The following TNS3 variants were observed in gnomAD, a reference collection of about 807,000 sequenced individuals.
TNS3 encodes the protein tensin-3.
A neutral mutation model predicts 140.9 loss-of-function variants in TNS3; 45 were observed. That is an observed-to-expected ratio of 0.32 (90% CI 0.25 to 0.41). The LOEUF (loss-of-function observed/expected upper bound fraction) is 0.41. TNS3 is among the 10% of genes least tolerant of loss of function. TNS3 has a pLI of 1.00. For missense variants in TNS3, 1,716 were observed against 1,906.7 expected (o/e 0.90, Z 1.86); for synonymous variants, 815 against 788.4 (o/e 1.03, Z -0.56).
intron 27 of TNS3, among the ~76,000 whole-genome samples, chr7:47,287,745 G>C (rs117369729): frequency 5.0e-4 from 76 of 152,298 alleles, no homozygotes; most frequent in Middle Eastern, 6.8e-3. Context: ...GACATTCGCA[G>C]CTCTCAATGT....
chr7:47,564,676 C>CCTCA (rs1332351157), intron 1 of TNS3, among the ~76,000 whole-genome samples: 2 of 143,124 alleles, frequency 1.4e-5, no homozygotes, highest in African/African-American at 2.6e-5. Context: ...AAGACTGCAA[C>CCTCA]CTCAAGAACG....
At chr7:47,568,816 C>G (rs1800487009) in intron 1 of TNS3, among the ~76,000 whole-genome samples, 3 of 152,254 alleles carry the variant, frequency 2.0e-5, no homozygotes, top group Admixed American at 2.0e-4. Context: ...GGGCCAAGGC[C>G]AAATGCCAAC....
chr7:47,400,366 C>T, intron 15 of TNS3, 27 bp downstream of exon 15: 4 of 1,607,932 alleles, frequency 2.5e-6, no homozygotes, highest in Non-Finnish European at 3.4e-6. Flanking sequence ...CAGCAAGGAC[C>T]ACCCAGTATT....
At chr7:47,508,919 AC>A (rs1322486818) in intron 2 of TNS3, among the ~76,000 whole-genome samples, 1 of 152,116 alleles carries the variant, frequency 6.6e-6, no homozygotes, top group Non-Finnish European at 1.5e-5. Flanking sequence ...GAAGTGTGCC[AC>A]CTCGGAAGCT....
chr7:47,493,254 A>G (rs1797878832), intron 3 of TNS3, among the ~76,000 whole-genome samples: 1 of 152,112 alleles, frequency 6.6e-6, no homozygotes, highest in Non-Finnish European at 1.5e-5. Context: ...AGTTGTCTCA[A>G]CCTCTCATTC....
rs1420740167 is a variant in TNS3 at position 47,453,756 on chromosome 7, C to T, written c.-75-11701G>A. Among the ~76,000 whole-genome samples, 8 of 152,298 alleles carry T rather than the reference C, an allele frequency of 5.3e-5. No individual in the cohort carries two copies. In the South Asian group the frequency reaches 1.7e-3, roughly 32 times the overall value. ...GAGTTACAAAACGGGAGATGGAGGC[C>T]GGATACACGGCAGATCTTGGTGACA... On this transcript the variant is annotated intron_variant, in intron 4 of 30. Transcript: ENST00000311160.
At chr7:47,563,852 T>C (rs1050764153) in intron 1 of TNS3, among the ~76,000 whole-genome samples, 3 of 152,228 alleles carry the variant, frequency 2.0e-5, no homozygotes, top group African/African-American at 7.2e-5. Context: ...TCCAATTGTT[T>C]AGTCAAACTT....
At chr7:47,434,376 A>G (rs1795074458) in intron 8 of TNS3, among the ~76,000 whole-genome samples, 1 of 152,180 alleles carries the variant, frequency 6.6e-6, no homozygotes, top group South Asian at 2.1e-4. Flanking sequence ...GGTCCTAAGA[A>G]TGCTTTGTCA....
At chr7:47,357,810 G>T (rs1790080587) in intron 17 of TNS3, among the ~76,000 whole-genome samples, 1 of 152,144 alleles carries the variant, frequency 6.6e-6, no homozygotes, top group South Asian at 2.1e-4. Flanking sequence ...CTTTCCACTG[G>T]GAAACACTGA....
chr7:47,524,396 T>C (rs1044424205), intron 2 of TNS3, among the ~76,000 whole-genome samples: 1 of 152,180 alleles, frequency 6.6e-6, no homozygotes, highest in Non-Finnish European at 1.5e-5. Flanking sequence ...AGACAAGACA[T>C]CCCATCCTAG....
intron 1 of TNS3, among the ~76,000 whole-genome samples, chr7:47,549,364 G>A (rs1460305505): frequency 2.0e-5 from 3 of 152,048 alleles, no homozygotes; most frequent in African/African-American, 4.8e-5. Flanking sequence ...GTGTGGTGGC[G>A]GGTGCCTGTA....
At chr7:47,432,360 A>T (rs1794967927) in intron 8 of TNS3, among the ~76,000 whole-genome samples, 1 of 152,202 alleles carries the variant, frequency 6.6e-6, no homozygotes, top group South Asian at 2.1e-4. Flanking sequence ...GTGATGCCCC[A>T]TGCAGCCCCA....
At chr7:47,466,562 A>G (rs1372941738) in intron 4 of TNS3, among the ~76,000 whole-genome samples, 1 of 152,206 alleles carries the variant, frequency 6.6e-6, no homozygotes, top group Non-Finnish European at 1.5e-5. Context: ...ATGGCTTCAC[A>G]GATGTCCTGG....
At position 47,517,461 on chromosome 7, in the gene TNS3, C is replaced by T. The variant is rs574149008; in HGVS notation, c.-152-10517G>A. On this transcript the variant is annotated intron_variant, in intron 2 of 30. Transcript: ENST00000311160. ...AAGAGCTCACCCGCAGGGACCTTCACCACCTCCAACAAACCAGATGTTTGT... is the reference window on the plus strand; with the variant it reads ...AAGAGCTCACCCGCAGGGACCTTCATCACCTCCAACAAACCAGATGTTTGT... 2.0e-5 allele frequency among the ~76,000 whole-genome samples: 3 copies of T among 152,340 alleles called. No homozygotes were observed. The South Asian group carries it at 6.2e-4, about 32-fold the overall frequency.
At chr7:47,350,594 C>A (rs1789609932) in intron 17 of TNS3, among the ~76,000 whole-genome samples, 1 of 152,206 alleles carries the variant, frequency 6.6e-6, no homozygotes, top group African/African-American at 2.4e-5. Flanking sequence ...GCTGTTGAAC[C>A]CATGTCCTGT....
rs772912911 is a variant in TNS3, at chr7:47,304,876, A to G, written c.2778T>C (p.Ser926=). The G allele has an allele frequency of 1.4e-6, 2 of 1,408,468 alleles. No individual in the cohort carries two copies. Among genetic ancestry groups the G allele is most frequent in the Non-Finnish European group, 9.4e-7 (1 of 1,069,510 alleles). 87.2% of individuals were successfully genotyped at this position (1,408,468 alleles called of 1,614,324 possible). The change falls in exon 21 of 31, where the codon TCT becomes TCC. Residue 926 remains serine (S), a synonymous_variant. Transcript: ENST00000311160. ...GGCCGTTGCTGGAAATGGTGCAGGA[A>G]GAAGCAAAAGCCTGCTGAAAGGAGG... ...STPSFQQAFA[S]SCTISSNGPG...
At chr7:47,509,289 G>A (rs541744627) in intron 2 of TNS3, among the ~76,000 whole-genome samples, 7 of 152,204 alleles carry the variant, frequency 4.6e-5, no homozygotes, top group African/African-American at 1.7e-4. Context: ...TGAGAGGCAG[G>A]GCCATTGTTT....
chr7:47,304,256 G>A (rs1477779627), intron 21 of TNS3, among the ~76,000 whole-genome samples: 1 of 152,192 alleles, frequency 6.6e-6, no homozygotes, highest in Non-Finnish European at 1.5e-5. Context: ...AGTACGGAAA[G>A]ACAGCTAAAA....
chr7:47,347,479 C>T (rs1027548746), intron 17 of TNS3, among the ~76,000 whole-genome samples: 20 of 152,048 alleles, frequency 1.3e-4, no homozygotes, highest in Non-Finnish European at 1.5e-5. Flanking sequence ...CTGAGAGGAG[C>T]AGCAGGACCG....
Sources: allele counts gnomAD v4.1 joint callset (sites outside exome capture counted in the v4.1 genomes callset), GRCh38; gene constraint gnomAD v4.1.1; transcripts MANE v1.5; gene names NCBI Gene and HGNC (gene_info 2026-07-23, HGNC 2026-07-21).